IL1RAPL1: variants seen among roughly 807,000 people sequenced by gnomAD.
The protein encoded by IL1RAPL1 is interleukin-1 receptor accessory protein-like 1.
In IL1RAPL1, 3 loss-of-function variants were observed where a neutral mutation model predicts 48.4. The ratio of observed to expected loss-of-function variants is 0.06; its 90% CI spans 0.03 to 0.16. The LOEUF (loss-of-function observed/expected upper bound fraction) is 0.16. IL1RAPL1 is among the 10% of genes least tolerant of loss of function. IL1RAPL1 has a pLI of 1.00. For missense variants in IL1RAPL1, 349 were observed against 530.6 expected (o/e 0.66, Z 3.36); for synonymous variants, 185 against 187.7 (o/e 0.99, Z 0.12).
intron 2 of IL1RAPL1, among the ~76,000 whole-genome samples, chrX:28,945,193 C>T (rs1288327234): frequency 2.7e-5 from 3 of 111,213 alleles, no homozygotes; most frequent in East Asian, 2.9e-4. Flanking sequence ...GACAGTGTGG[C>T]GATTCCTCCA....
chrX:29,063,160 C>G (rs1927377729), intron 2 of IL1RAPL1, among the ~76,000 whole-genome samples: 1 of 110,885 alleles, frequency 9.0e-6, no homozygotes, highest in African/African-American at 3.3e-5. Flanking sequence ...GAGTTTTCTC[C>G]AAATAAAACT....
At chrX:29,552,389 T>C (rs978827385) in intron 5 of IL1RAPL1, among the ~76,000 whole-genome samples, 1 of 111,431 alleles carries the variant, frequency 9.0e-6, no homozygotes, top group Non-Finnish European at 1.9e-5. Context: ...GAGACGCACA[T>C]TTGTTTTTTT....
chrX:29,752,836 T>A, intron 6 of IL1RAPL1, among the ~76,000 whole-genome samples: 1 of 112,154 alleles, frequency 8.9e-6, no homozygotes, highest in Non-Finnish European at 1.9e-5. Flanking sequence ...TCTTTTATCC[T>A]ATGTAAGTAA....
intron 6 of IL1RAPL1, among the ~76,000 whole-genome samples, chrX:29,909,770 G>C (rs1932727211): frequency 1.8e-5 from 2 of 111,808 alleles, no homozygotes; most frequent in African/African-American, 6.5e-5. Context: ...CATAACAGAT[G>C]CTGGCAAGGT....
At chrX:29,835,969 G>A (rs1480014233) in intron 6 of IL1RAPL1, among the ~76,000 whole-genome samples, 2 of 103,616 alleles carry the variant, frequency 1.9e-5, no homozygotes, top group Non-Finnish European at 3.9e-5. Flanking sequence ...TCATTTCATG[G>A]ATCTTTTGTA....
At chrX:29,901,733 A>T (rs1435058685) in intron 6 of IL1RAPL1, among the ~76,000 whole-genome samples, 2 of 112,198 alleles carry the variant, frequency 1.8e-5, no homozygotes, top group African/African-American at 6.5e-5. Flanking sequence ...AAATGCAATA[A>T]TTTGCTTTAA....
chrX:28,674,309 T>G (rs1478211534), intron 1 of IL1RAPL1, among the ~76,000 whole-genome samples: 1 of 110,283 alleles, frequency 9.1e-6, no homozygotes, highest in African/African-American at 3.3e-5. Context: ...GGTACTTCCT[T>G]CTCATTGTGG....
At chrX:28,764,445 G>C (rs1400415992) in intron 1 of IL1RAPL1, among the ~76,000 whole-genome samples, 1 of 111,674 alleles carries the variant, frequency 9.0e-6, no homozygotes, top group East Asian at 2.8e-4. Context: ...GCTCACGCCT[G>C]TAATCCTGGC....
intron 1 of IL1RAPL1, among the ~76,000 whole-genome samples, chrX:28,644,991 A>G (rs1367411903): frequency 9.0e-6 from 1 of 111,059 alleles, no homozygotes; most frequent in Non-Finnish European, 1.9e-5. Flanking sequence ...ATGAGCTAAG[A>G]AGAACGGTAA....
chrX:29,648,863 A>C lies in IL1RAPL1; in HGVS notation c.704-19567A>C, dbSNP rs116585797. On this transcript the variant is annotated intron_variant, in intron 5 of 10. Transcript: ENST00000378993. ...GCAAAGGCTTTTTGAAGACAAAATC[A>C]ACAAACCTTTAACTAGATTAAGAAG... Among the ~76,000 whole-genome samples the C allele has an allele frequency of 1.6e-3, 179 of 111,544 alleles. No individual in the cohort carries two copies. In the Middle Eastern group the frequency reaches 0.028, roughly 17 times the overall value.
chrX:29,615,277 C>T (rs183723251), intron 5 of IL1RAPL1, among the ~76,000 whole-genome samples: 64 of 111,936 alleles, frequency 5.7e-4, no homozygotes, highest in Non-Finnish European at 9.2e-4. Context: ...CCTAATATTA[C>T]GACTTTTCCA....
At chrX:29,033,293 A>C (rs2147411075) in intron 2 of IL1RAPL1, among the ~76,000 whole-genome samples, 1 of 111,875 alleles carries the variant, frequency 8.9e-6, no homozygotes, top group South Asian at 3.7e-4. Flanking sequence ...ATGATGGAAT[A>C]ATAGAACAAA....
intron 5 of IL1RAPL1, among the ~76,000 whole-genome samples, chrX:29,504,271 C>T (rs752886524): frequency 9.0e-6 from 1 of 111,670 alleles, no homozygotes; most frequent in African/African-American, 3.3e-5. Flanking sequence ...ACCCTGGCTA[C>T]TGTTTCATGC....
At chrX:29,601,769 T>C (rs1164453771) in intron 5 of IL1RAPL1, among the ~76,000 whole-genome samples, 2 of 111,965 alleles carry the variant, frequency 1.8e-5, no homozygotes, top group African/African-American at 6.5e-5. Context: ...AGAAAGAGGA[T>C]GGTGAAGGGC....
chrX:29,406,398 A>T (rs756580594), intron 5 of IL1RAPL1, among the ~76,000 whole-genome samples: 8 of 111,050 alleles, frequency 7.2e-5, no homozygotes, highest in African/African-American at 2.6e-4. Context: ...CAAAAAAAAA[A>T]AAGCAAATCT....
chrX:29,930,299 A>G (rs1932932063), intron 8 of IL1RAPL1, among the ~76,000 whole-genome samples: 1 of 112,293 alleles, frequency 8.9e-6, no homozygotes, highest in South Asian at 3.6e-4. Context: ...TTGCATAAAC[A>G]GATAGGCAAA....
At chrX:28,634,467 A>G (rs1392915574) in intron 1 of IL1RAPL1, among the ~76,000 whole-genome samples, 1 of 109,435 alleles carries the variant, frequency 9.1e-6, no homozygotes, top group East Asian at 2.8e-4. Flanking sequence ...ATGTGTATAT[A>G]TGTATATATG....
chrX:29,141,435 G>A (rs1053604761), intron 2 of IL1RAPL1, among the ~76,000 whole-genome samples: 3 of 111,446 alleles, frequency 2.7e-5, no homozygotes, highest in African/African-American at 9.8e-5. Context: ...AAATAAAACA[G>A]TATGAACCAT....
rs368324897 is a variant in IL1RAPL1, at chrX:28,634,940, A to G, written c.-25+46893A>G. On this transcript the variant is annotated intron_variant, in intron 1 of 10. Transcript: ENST00000378993. The stretch of plus-strand genomic sequence containing the variant: ...TCTCCATATGGCTTAGCTTTTCTGT[A>G]TGTCTTGTTAGAAGAGGCACCGAAT... 9.3e-5 allele frequency among the ~76,000 whole-genome samples: 10 copies of G among 107,113 alleles called. No homozygotes were observed. In the South Asian group the frequency reaches 2.1e-3, roughly 23 times the overall value. 93.0% of individuals were successfully genotyped at this position (107,113 alleles called of 115,157 possible).
Sources: gnomAD v4.1 joint callset for allele counts (sites outside exome capture counted in the v4.1 genomes callset) on GRCh38, gnomAD v4.1.1 for gene constraint, MANE v1.5 for transcripts, NCBI Gene and HGNC (gene_info 2026-07-23, HGNC 2026-07-21) for gene names.